The following GPC6 variants were observed in gnomAD, a reference collection of about 807,000 sequenced individuals.
GPC6 encodes the protein glypican-6.
GPC6 carries 14 observed loss-of-function variants against 55.2 expected under a neutral mutation model. That is an observed-to-expected ratio of 0.25 (90% CI 0.17 to 0.40). GPC6 has a LOEUF of 0.40. GPC6 is among the 10% of genes least tolerant of loss of function. GPC6 has a pLI of 1.00. For missense variants in GPC6, 641 were observed against 708.5 expected (o/e 0.90, Z 1.08); for synonymous variants, 278 against 259.6 (o/e 1.07, Z -0.68).
chr13:94,320,567 A>G (rs918047554), intron 6 of GPC6, among the ~76,000 whole-genome samples: 4 of 152,062 alleles, frequency 2.6e-5, no homozygotes, highest in African/African-American at 7.2e-5. Context: ...CCCCGGCTGT[A>G]TGTGGTGGGT....
chr13:94,153,898 T>C (rs536670922), intron 4 of GPC6, among the ~76,000 whole-genome samples: 14 of 152,244 alleles, frequency 9.2e-5, no homozygotes, highest in African/African-American at 3.1e-4. Context: ...CTGAGTTGGA[T>C]ACAACACAAC....
At chr13:94,267,782 T>C (rs985427471) in intron 4 of GPC6, among the ~76,000 whole-genome samples, 4 of 152,200 alleles carry the variant, frequency 2.6e-5, no homozygotes, top group Non-Finnish European at 5.9e-5. Flanking sequence ...AAAGCACTTA[T>C]AGTGCTCCCG....
chr13:93,641,379 T>C (rs528088274), intron 2 of GPC6, among the ~76,000 whole-genome samples: 15 of 152,218 alleles, frequency 9.9e-5, no homozygotes, highest in African/African-American at 3.6e-4. Flanking sequence ...GTGTTCACTG[T>C]ATTCTGACTG....
intron 6 of GPC6, among the ~76,000 whole-genome samples, chr13:94,372,503 G>A (rs1168904071): frequency 2.0e-5 from 3 of 152,120 alleles, no homozygotes; most frequent in African/African-American, 7.2e-5. Context: ...GCACTTTTCC[G>A]ACGGGCTTAA....
chr13:94,394,817 AAGCAGCTG>A (rs1192083342), intron 7 of GPC6, among the ~76,000 whole-genome samples: 1 of 152,188 alleles, frequency 6.6e-6, no homozygotes, highest in Non-Finnish European at 1.5e-5. Flanking sequence ...TTTTTATTGT[AAGCAGCTG>A]AGCATCAGTA....
intron 1 of GPC6, among the ~76,000 whole-genome samples, chr13:93,338,464 A>G (rs775582616): frequency 2.6e-5 from 4 of 152,002 alleles, no homozygotes; most frequent in Non-Finnish European, 4.4e-5. Flanking sequence ...ACCCATTTCC[A>G]GTAGACCTTT....
At chr13:93,472,661 C>T (rs1212031344) in intron 1 of GPC6, among the ~76,000 whole-genome samples, 3 of 152,166 alleles carry the variant, frequency 2.0e-5, no homozygotes, top group African/African-American at 4.8e-5. Context: ...GTTTGGGCTC[C>T]TAGAAGGGCC....
chr13:93,998,680 CTT>C (rs774752188), intron 3 of GPC6, among the ~76,000 whole-genome samples: 1 of 151,610 alleles, frequency 6.6e-6, no homozygotes, highest in Non-Finnish European at 1.5e-5. Flanking sequence ...AAAACTCTAA[CTT>C]ATAAGATTTT....
chr13:94,354,998 G>A (rs1566712339), intron 6 of GPC6, among the ~76,000 whole-genome samples: 2 of 151,192 alleles, frequency 1.3e-5, no homozygotes, highest in Non-Finnish European at 2.9e-5. Flanking sequence ...CTGTGTCCAT[G>A]TGGCATGATG....
chr13:94,271,721 C>T (rs960449139), intron 4 of GPC6, among the ~76,000 whole-genome samples: 2 of 152,174 alleles, frequency 1.3e-5, no homozygotes, highest in Non-Finnish European at 2.9e-5. Context: ...CTCTCATCTT[C>T]TGCTTCTCTC....
At chr13:94,157,707 G>C (rs1386950490) in intron 4 of GPC6, among the ~76,000 whole-genome samples, 1 of 152,166 alleles carries the variant, frequency 6.6e-6, no homozygotes, top group East Asian at 1.9e-4. Flanking sequence ...GACTCCTGCT[G>C]TGACTTGGGA....
chr13:93,923,690 A>G (rs1877694946), intron 3 of GPC6, among the ~76,000 whole-genome samples: 1 of 152,212 alleles, frequency 6.6e-6, no homozygotes. Flanking sequence ...TGTTTTCGCT[A>G]TTCAGATAGA....
intron 4 of GPC6, among the ~76,000 whole-genome samples, chr13:94,165,883 G>T (rs1168477688): frequency 1.3e-5 from 2 of 151,954 alleles, no homozygotes; most frequent in Non-Finnish European, 2.9e-5. Flanking sequence ...CTCCCATAGG[G>T]TATAATTGAC....
At chr13:93,426,271 A>G (rs1432065468) in intron 1 of GPC6, among the ~76,000 whole-genome samples, 1 of 151,964 alleles carries the variant, frequency 6.6e-6, no homozygotes, top group Admixed American at 6.6e-5. Context: ...GTTTTAGGGT[A>G]CATGTGCACA....
At chr13:94,020,778 G>T (rs1882664572) in intron 3 of GPC6, among the ~76,000 whole-genome samples, 1 of 152,048 alleles carries the variant, frequency 6.6e-6, no homozygotes, top group Non-Finnish European at 1.5e-5. Flanking sequence ...ATGGCACTAG[G>T]TTTCTTCTTT....
At chr13:94,085,157 A>G (rs1470174569) in intron 4 of GPC6, among the ~76,000 whole-genome samples, 1 of 151,680 alleles carries the variant, frequency 6.6e-6, no homozygotes. Context: ...CCCTGTCTCT[A>G]CTAAAAATAC....
intron 1 of GPC6, among the ~76,000 whole-genome samples, chr13:93,430,502 A>G (rs1394965431): frequency 6.6e-6 from 1 of 152,122 alleles, no homozygotes; most frequent in African/African-American, 2.4e-5. Flanking sequence ...AGAAAACAGT[A>G]AGTGGGAAGA....
At chr13:93,690,988 A>C (rs1489819895) in intron 2 of GPC6, among the ~76,000 whole-genome samples, 2 of 152,078 alleles carry the variant, frequency 1.3e-5, no homozygotes, top group African/African-American at 4.8e-5. Context: ...CACCTAAAAA[A>C]CAATTAGTGT....
chr13:93,586,768 A>G (rs566924316), intron 2 of GPC6, among the ~76,000 whole-genome samples: 1 of 152,308 alleles, frequency 6.6e-6, no homozygotes, highest in East Asian at 1.9e-4. Flanking sequence ...ATCACAATAC[A>G]AGACTAGTTT....
Sources: gnomAD v4.1 joint callset for allele counts (sites outside exome capture counted in the v4.1 genomes callset) on GRCh38, gnomAD v4.1.1 for gene constraint, MANE v1.5 for transcripts, NCBI Gene and HGNC (gene_info 2026-07-23, HGNC 2026-07-21) for gene names.